SERGEF: variants seen among roughly 807,000 people sequenced by gnomAD.
The protein encoded by SERGEF is secretion-regulating guanine nucleotide exchange factor.
In SERGEF, 51 loss-of-function variants were observed where a neutral mutation model predicts 50.0. The ratio of observed to expected loss-of-function variants is 1.02; its 90% CI spans 0.81 to 1.29. The LOEUF is 1.29. Ranked by LOEUF, SERGEF falls within the 50% of genes most tolerant of loss-of-function variation. The pLI, the probability that SERGEF is intolerant of heterozygous loss-of-function variation, is 0.00. For synonymous variants in SERGEF, 205 were observed against 212.4 expected, an observed-to-expected ratio of 0.97 and a Z score of 0.30; for missense variants, 521 against 557.0, an observed-to-expected ratio of 0.94 and a Z score of 0.65.
At chr11:17,936,541 A>G (rs1003269171) in intron 9 of SERGEF, among the ~76,000 whole-genome samples, 1 of 152,220 alleles carries the variant, frequency 6.6e-6, no homozygotes. Context: ...GACAAGTAAC[A>G]GAACAGGATT....
chr11:17,917,129 C>T lies in SERGEF; in HGVS notation c.1012-38885G>A, dbSNP rs545834084. On this transcript the variant is annotated intron_variant, in intron 9 of 10. Coordinates refer to ENST00000265965, the MANE Select transcript of SERGEF (RefSeq NM_012139.4). Reference sequence around the variant, plus strand: ...GATACTTGCACATGCATGTTTATAGCAGTACAATTTGCAATTGCAAAACTA... The same window carrying T: ...GATACTTGCACATGCATGTTTATAGTAGTACAATTTGCAATTGCAAAACTA... 2.0e-5 allele frequency among the ~76,000 whole-genome samples: 3 copies of T among 152,316 alleles called. No homozygotes were observed. The South Asian group carries it at 6.2e-4, about 32-fold the overall frequency.
intron 10 of SERGEF, among the ~76,000 whole-genome samples, chr11:17,790,440 G>A (rs1463243349): frequency 6.6e-6 from 1 of 151,502 alleles, no homozygotes; most frequent in African/African-American, 2.4e-5. Context: ...AATTTTAACT[G>A]TGCATAGTAT....
intron 9 of SERGEF, among the ~76,000 whole-genome samples, chr11:17,932,764 G>C (rs1852378864): frequency 6.6e-6 from 1 of 152,130 alleles, no homozygotes; most frequent in African/African-American, 2.4e-5. Flanking sequence ...GAATAGAGAT[G>C]CGGAACAAAT....
intron 4 of SERGEF, among the ~76,000 whole-genome samples, chr11:18,003,785 A>T (rs1280403450): frequency 6.6e-6 from 1 of 152,220 alleles, no homozygotes; most frequent in African/African-American, 2.4e-5. Context: ...CAAAAAGTAG[A>T]TTAGTACTCA....
At chr11:17,819,620 T>C (rs1353487206) in intron 10 of SERGEF, among the ~76,000 whole-genome samples, 1 of 152,206 alleles carries the variant, frequency 6.6e-6, no homozygotes, top group Non-Finnish European at 1.5e-5. Flanking sequence ...AACATGTTCA[T>C]CTCTGAATTT....
intron 8 of SERGEF, among the ~76,000 whole-genome samples, chr11:17,971,131 T>A (rs898926453): frequency 6.6e-6 from 1 of 150,776 alleles, no homozygotes; most frequent in Non-Finnish European, 1.5e-5. Context: ...GAGGTGGAGG[T>A]TGCAGTAAGC....
intron 9 of SERGEF, among the ~76,000 whole-genome samples, chr11:17,915,060 C>T (rs886249671): frequency 1.3e-5 from 2 of 152,144 alleles, no homozygotes; most frequent in African/African-American, 4.8e-5. Context: ...GACAACAAAA[C>T]CTGTGTCTAA....
chr11:17,929,875 C>T (rs1171134081), intron 9 of SERGEF, among the ~76,000 whole-genome samples: 1 of 152,206 alleles, frequency 6.6e-6, no homozygotes, highest in Non-Finnish European at 1.5e-5. Context: ...ACATTCTACA[C>T]ATCCATCATT....
At chr11:17,928,742 G>C (rs2237919) in intron 9 of SERGEF, among the ~76,000 whole-genome samples, 78,220 of 151,798 alleles carry the variant, frequency 0.52, 21,516 homozygotes, top group African/African-American at 0.72. Context: ...CCAAAAGCCA[G>C]AACAGAAGAC....
intron 10 of SERGEF, among the ~76,000 whole-genome samples, chr11:17,871,534 G>A (rs1431300203): frequency 6.6e-6 from 1 of 151,380 alleles, no homozygotes; most frequent in Non-Finnish European, 1.5e-5. Context: ...TTCAACAACG[G>A]ACTGGAATCT....
At chr11:17,976,201 G>A (rs150492500) in intron 8 of SERGEF, among the ~76,000 whole-genome samples, 354 of 152,262 alleles carry the variant, frequency 2.3e-3, no homozygotes, top group Non-Finnish European at 4.1e-3. Context: ...GATTGGGCAA[G>A]AGTTGATTCC....
intron 10 of SERGEF, among the ~76,000 whole-genome samples, chr11:17,790,252 C>T (rs1372737651): frequency 6.6e-6 from 1 of 152,088 alleles, no homozygotes; most frequent in Non-Finnish European, 1.5e-5. Flanking sequence ...TGCATGGTTT[C>T]ATATTTTTCT....
At chr11:17,974,306 A>G (rs1412970501) in intron 8 of SERGEF, among the ~76,000 whole-genome samples, 1 of 152,210 alleles carries the variant, frequency 6.6e-6, no homozygotes, top group Non-Finnish European at 1.5e-5. Flanking sequence ...GTTTAAGATT[A>G]TCTTTCAGGG....
intron 5 of SERGEF, among the ~76,000 whole-genome samples, chr11:17,998,498 AGT>A (rs1305307472): frequency 2.3e-4 from 19 of 84,382 alleles, no homozygotes; most frequent in Non-Finnish European, 3.6e-4. Context: ...TGCATGTGTG[AGT>A]GTGTGTGTTA....
intron 10 of SERGEF, among the ~76,000 whole-genome samples, chr11:17,826,955 T>C (rs1430120109): frequency 9.7e-5 from 1 of 10,326 alleles, no homozygotes; most frequent in East Asian, 3.1e-3. Context: ...ATCACACAGC[T>C]AGAAAGTGGT....
chr11:17,907,448 T>G (rs1307409422), intron 9 of SERGEF, among the ~76,000 whole-genome samples: 3 of 152,248 alleles, frequency 2.0e-5, no homozygotes, highest in Non-Finnish European at 2.9e-5. Flanking sequence ...TGCATTTCAA[T>G]CTGCCTACAA....
chr11:17,794,950 C>A (rs1212966085), intron 10 of SERGEF, among the ~76,000 whole-genome samples: 1 of 152,192 alleles, frequency 6.6e-6, no homozygotes, highest in East Asian at 1.9e-4. Flanking sequence ...GCCCTGTGAG[C>A]GCTGGGGCTG....
chr11:17,904,715 C>T (rs546623029), intron 9 of SERGEF, among the ~76,000 whole-genome samples: 103 of 152,306 alleles, frequency 6.8e-4, no homozygotes, highest in African/African-American at 2.3e-3. Context: ...CAACTAGATG[C>T]AAGGCCTACC....
At chr11:17,854,988 G>A (rs569035534) in intron 10 of SERGEF, 2 of 152,302 alleles carry the variant, frequency 1.3e-5, no homozygotes, top group African/African-American at 4.8e-5. Context: ...GAGGTTCAAG[G>A]AGGTTATAAT....
Sources: allele counts gnomAD v4.1 joint callset (sites outside exome capture counted in the v4.1 genomes callset), GRCh38; gene constraint gnomAD v4.1.1; transcripts MANE v1.5; gene names NCBI Gene and HGNC (gene_info 2026-07-23, HGNC 2026-07-21).